The following ZNF138 variants were observed in gnomAD, a reference collection of about 807,000 sequenced individuals.
ZNF138 encodes the protein zinc finger protein 138.
Under a neutral mutation model 33.0 loss-of-function variants are expected in ZNF138, and 33 were observed. The observed-to-expected ratio is 1.00, with a 90% confidence interval of 0.76 to 1.34. The LOEUF (loss-of-function observed/expected upper bound fraction) is 1.34. Ranked by LOEUF, ZNF138 falls within the 40% of genes most tolerant of loss-of-function variation. The pLI is 0.00. For missense variants in ZNF138, 360 were observed against 370.8 expected, an observed-to-expected ratio of 0.97 and a Z score of 0.24; for synonymous variants, 139 against 120.4, an observed-to-expected ratio of 1.15 and a Z score of -1.01.
rs767846882 is a variant in ZNF138, at chr7:64,814,907, G to T, written c.4-11G>T. The T allele has an allele frequency of 2.1e-5, 34 of 1,611,928 alleles. No individual in the cohort carries two copies. The highest frequency in any genetic ancestry group is 2.9e-5 in the Non-Finnish European group (34 of 1,178,756). On this transcript the variant is annotated splice_polypyrimidine_tract_variant and intron_variant, in intron 1 of 3. Coordinates refer to ENST00000307355, the MANE Select transcript of ZNF138 (RefSeq NM_001271639.2). The stretch of plus-strand genomic sequence containing the variant: ...AATGTGTGTGTGTGTTTGTGTGTGC[G>T]TGTTTTTCAGGGACCACTGACATTT...
rs1790070305 is a variant in ZNF138 at position 64,831,439 on chromosome 7, TG to T, written c.209-11del. The T allele has an allele frequency of 6.6e-7, 1 of 1,522,184 alleles. No individual in the cohort carries two copies. The highest frequency in any genetic ancestry group is 8.8e-7 in the Non-Finnish European group (1 of 1,139,812). 94.3% of individuals were successfully genotyped at this position (1,522,184 alleles called of 1,614,324 possible). The stretch of plus-strand genomic sequence containing the variant: ...GCAGGTGGAGTAATTTGTTATTTTT[TG>T]TTTCTTTCAGCTCTGTGTTCTCGTT... On this transcript the variant is annotated splice_polypyrimidine_tract_variant and intron_variant, in intron 3 of 3. Transcript: ENST00000307355.
At chr7:64,807,029 C>T (rs1043780276) in intron 1 of ZNF138, among the ~76,000 whole-genome samples, 8 of 152,226 alleles carry the variant, frequency 5.3e-5, no homozygotes, top group African/African-American at 9.6e-5. Context: ...GGTGGAAAAC[C>T]ACTTAAAGGT....
At chr7:64,821,040 T>TA (rs1554367737) in intron 3 of ZNF138, among the ~76,000 whole-genome samples, 6 of 86,574 alleles carry the variant, frequency 6.9e-5, no homozygotes, top group Non-Finnish European at 1.3e-4. Flanking sequence ...TGATTGTTTT[T>TA]TTTTGTTTTG....
At chr7:64,840,480 AT>A in the ZNF138 span, among the ~76,000 whole-genome samples, 150,001 of 152,218 alleles carry the variant, frequency 0.99, 73,947 homozygotes, top group Non-Finnish European at 1. Context: ...TATTTATGTC[AT>A]TATATGGCAT....
At chr7:64,817,576 G>T (rs764842527) in intron 3 of ZNF138, among the ~76,000 whole-genome samples, 2 of 152,214 alleles carry the variant, frequency 1.3e-5, no homozygotes, top group Non-Finnish European at 2.9e-5. Flanking sequence ...ATCCTGGCCC[G>T]AAGCAATTCT....
At chr7:64,794,698 G>A in intron 1 of ZNF138, 127 bp downstream of exon 1, 1 of 1,387,016 alleles carries the variant, frequency 7.2e-7, no homozygotes, top group Non-Finnish European at 1.0e-6. Context: ...CGAGTTCTTG[G>A]CACAGCTCGG....
downstream of ZNF138, among the ~76,000 whole-genome samples, chr7:64,834,946 AAG>A (rs1172962847): frequency 6.6e-6 from 1 of 152,230 alleles, no homozygotes; most frequent in East Asian, 1.9e-4. Flanking sequence ...AGGCGAGACA[AAG>A]AGGGCAAAAA....
chr7:64,826,368 C>G (rs1246791557), intron 3 of ZNF138, among the ~76,000 whole-genome samples: 1 of 152,134 alleles, frequency 6.6e-6, no homozygotes, highest in African/African-American at 2.4e-5. Context: ...CAACCTCTGC[C>G]TCCCGGGTTC....
At chr7:64,825,311 T>C (rs1038885211) in intron 3 of ZNF138, among the ~76,000 whole-genome samples, 4 of 150,836 alleles carry the variant, frequency 2.7e-5, no homozygotes, top group Non-Finnish European at 1.5e-5. Flanking sequence ...TAGCTGGGAC[T>C]ACAGGCGCCC....
At chr7:64,848,755 A>G in the ZNF138 span, among the ~76,000 whole-genome samples, 2 of 123,998 alleles carry the variant, frequency 1.6e-5, no homozygotes, top group East Asian at 5.0e-4. Context: ...CCCAGGCTGG[A>G]GTGCTGTGGC....
intron 1 of ZNF138, among the ~76,000 whole-genome samples, chr7:64,801,508 A>G (rs188942147): frequency 2.6e-5 from 4 of 152,216 alleles, no homozygotes; most frequent in African/African-American, 9.6e-5. Context: ...ATTTTAATCA[A>G]TCTGTGGTCT....
Position 64,832,438 on chromosome 7 carries a change from CTT to C in ZNF138, c.*239_*240del. ...TACAAATGTAAAGAATGTGGAAAAGCTTTTCACCGATACTCAATCCTTAGTAC... is the reference window on the plus strand; with the variant it reads ...TACAAATGTAAAGAATGTGGAAAAGCTTCACCGATACTCAATCCTTAGTAC... On this transcript the variant is annotated 3_prime_UTR_variant, in exon 4 of 4. Coordinates refer to ENST00000307355, the MANE Select transcript of ZNF138 (RefSeq NM_001271639.2). 6.9e-7 allele frequency: 1 copy of C among 1,449,914 alleles called. No homozygotes were observed. Among genetic ancestry groups the C allele is most frequent in the African/African-American group, 1.4e-5 (1 of 70,306 alleles). The allele number at this position is 1,449,914 out of a possible 1,614,324, so 89.8% of individuals were successfully genotyped here.
intron 1 of ZNF138, among the ~76,000 whole-genome samples, chr7:64,802,707 A>G (rs910277868): frequency 4.6e-5 from 7 of 152,138 alleles, no homozygotes; most frequent in Admixed American, 2.6e-4. Context: ...TCAGTTCCTA[A>G]ATAAGATGGC....
intron 1 of ZNF138, among the ~76,000 whole-genome samples, chr7:64,806,807 A>T (rs563210415): frequency 3.3e-5 from 5 of 152,212 alleles, no homozygotes; most frequent in African/African-American, 1.2e-4. Context: ...TAGTAATGTT[A>T]TTTTTTGTAA....
chr7:64,828,378 CTATTT>C (rs1306266802), intron 3 of ZNF138, among the ~76,000 whole-genome samples: 1 of 152,076 alleles, frequency 6.6e-6, no homozygotes, highest in African/African-American at 2.4e-5. Flanking sequence ...TTTTCAAACA[CTATTT>C]TGTTTCCTGA....
chr7:64,844,982 G>A, the ZNF138 span, among the ~76,000 whole-genome samples: 1 of 152,220 alleles, frequency 6.6e-6, no homozygotes, highest in Non-Finnish European at 1.5e-5. Flanking sequence ...ACCGTGCCTG[G>A]CTGAGTAAAT....
At chr7:64,819,336 A>T (rs922894967) in intron 3 of ZNF138, among the ~76,000 whole-genome samples, 4 of 147,520 alleles carry the variant, frequency 2.7e-5, no homozygotes, top group African/African-American at 1.0e-4. Context: ...GTGTGAGAGA[A>T]ACACTTTTGT....
downstream of ZNF138, chr7:64,835,219 C>T (rs1220475976): frequency 2.0e-5 from 3 of 152,130 alleles, no homozygotes; most frequent in Non-Finnish European, 4.4e-5. Context: ...ATCTTGGAGT[C>T]TTCACTGGAG....
At chr7:64,808,262 G>C (rs112448486) in intron 1 of ZNF138, among the ~76,000 whole-genome samples, 7,168 of 152,276 alleles carry the variant, frequency 0.047, 214 homozygotes, top group East Asian at 0.14. Flanking sequence ...TTGGTACCCA[G>C]ATGAGAGTTT....
Sources: gnomAD v4.1 joint callset for allele counts (sites outside exome capture counted in the v4.1 genomes callset) on GRCh38, gnomAD v4.1.1 for gene constraint, MANE v1.5 for transcripts, NCBI Gene and HGNC (gene_info 2026-07-23, HGNC 2026-07-21) for gene names.